The following MACO1 variants were observed in gnomAD, a reference collection of about 807,000 sequenced individuals.
The protein encoded by MACO1 is macoilin.
In MACO1, 14 loss-of-function variants were observed where a neutral mutation model predicts 78.7. That is an observed-to-expected ratio of 0.18 (90% CI 0.12 to 0.28). MACO1 has a LOEUF of 0.28. Ranked by LOEUF, MACO1 falls within the 10% of genes least tolerant of loss-of-function variation. MACO1 has a pLI of 1.00. For synonymous variants in MACO1, 288 were observed against 291.6 expected (o/e 0.99, Z 0.12); for missense variants, 501 against 799.0 (o/e 0.63, Z 4.50).
intron 1 of MACO1, among the ~76,000 whole-genome samples, chr1:25,442,693 G>A (rs1431944472): frequency 7.2e-6 from 1 of 139,358 alleles, no homozygotes; most frequent in African/African-American, 2.8e-5. Context: ...GGTTGTAAAT[G>A]GCAAAGGTAG....
intron 2 of MACO1, 141 bp downstream of exon 2, chr1:25,447,044 C>T: frequency 9.8e-7 from 1 of 1,015,290 alleles, no homozygotes; most frequent in African/African-American, 1.6e-5. Flanking sequence ...ACTATTTTGT[C>T]TAAACCCATT....
intron 6 of MACO1, among the ~76,000 whole-genome samples, chr1:25,473,661 T>C (rs543807204): frequency 1.3e-5 from 2 of 152,230 alleles, no homozygotes; most frequent in Non-Finnish European, 2.9e-5. Context: ...ATTTAGTTTT[T>C]CATCTAAGGG....
At chr1:25,446,924 T>C in intron 2 of MACO1, 21 bp downstream of exon 2, 4 of 1,605,994 alleles carry the variant, frequency 2.5e-6, no homozygotes, top group Non-Finnish European at 3.4e-6. Context: ...TAATACATGT[T>C]TTCCATGTGT....
chr1:25,434,248 A>C (rs2042900417), intron 1 of MACO1, among the ~76,000 whole-genome samples: 1 of 152,230 alleles, frequency 6.6e-6, no homozygotes, highest in Non-Finnish European at 1.5e-5. Flanking sequence ...GGAAATAGGA[A>C]TAGTGATCTT....
intron 1 of MACO1, among the ~76,000 whole-genome samples, chr1:25,435,893 G>A (rs1324537776): frequency 6.6e-6 from 1 of 152,172 alleles, no homozygotes; most frequent in Non-Finnish European, 1.5e-5. Flanking sequence ...GGATGAAAAA[G>A]CACTTTCCTC....
intron 6 of MACO1, among the ~76,000 whole-genome samples, chr1:25,477,802 CT>C (rs1458577926): frequency 6.6e-6 from 1 of 152,192 alleles, no homozygotes; most frequent in African/African-American, 2.4e-5. Flanking sequence ...CCACTGAAGA[CT>C]TTTAAACTTT....
intron 6 of MACO1, 81 bp downstream of exon 6, chr1:25,458,973 G>A (rs1187486261): frequency 6.7e-7 from 1 of 1,490,684 alleles, no homozygotes; most frequent in Non-Finnish European, 9.0e-7. Flanking sequence ...TGGGCCTGTA[G>A]GGATTGTTTG....
rs764414909 is a variant in MACO1 at position 25,498,254 on chromosome 1, G to A, written c.1793-10G>A. 1.2e-6 allele frequency: 2 copies of A among 1,614,068 alleles called. No homozygotes were observed. The highest frequency in any genetic ancestry group is 1.7e-6 in the Non-Finnish European group (2 of 1,179,964). On this transcript the variant is annotated splice_polypyrimidine_tract_variant and intron_variant, in intron 10 of 10. Coordinates refer to ENST00000374343, the MANE Select transcript of MACO1 (RefSeq NM_018202.6). The stretch of plus-strand genomic sequence containing the variant: ...CCCTTTTCACTAATGGTGGGTCTTT[G>A]ATCTTACAGGACAAATCCTTCAGAA...
Position 25,498,651 on chromosome 1 carries a change from G to T in MACO1, c.*185G>T. On this transcript the variant is annotated 3_prime_UTR_variant, in exon 11 of 11. Coordinates refer to ENST00000374343, the MANE Select transcript of MACO1 (RefSeq NM_018202.6). Reference sequence around the variant, plus strand: ...TTAGAACTGCCCATCAGTTTTTCTTGTAAATTTTTAGAAGACCTCACAGAA... The same window carrying T: ...TTAGAACTGCCCATCAGTTTTTCTTTTAAATTTTTAGAAGACCTCACAGAA... The T allele has an allele frequency of 1.9e-6, 1 of 530,954 alleles. No individual in the cohort carries two copies. 32.9% of individuals were successfully genotyped at this position (530,954 alleles called of 1,614,324 possible). A position where few individuals can be genotyped will look rare whatever the true frequency, so the allele number is the denominator to read the frequency against.
intron 6 of MACO1, among the ~76,000 whole-genome samples, chr1:25,461,783 A>G (rs991195828): frequency 1.3e-5 from 2 of 152,248 alleles, no homozygotes; most frequent in African/African-American, 4.8e-5. Context: ...TCTAATATAC[A>G]TAGAAAAATG....
rs748974790 is a variant in MACO1, at chr1:25,431,083, G to A, written c.-16G>A. The stretch of plus-strand genomic sequence containing the variant: ...ACGGCGGCGGCGGCGCGGGCACCCG[G>A]CCCCCCAGCGGGAGGATGAAGCGGC... On this transcript the variant is annotated 5_prime_UTR_variant, in exon 1 of 11. Transcript: ENST00000374343. The A allele has an allele frequency of 6.3e-7, 1 of 1,574,818 alleles. No homozygotes were observed. The highest frequency in any genetic ancestry group is 1.4e-5 in the African/African-American group (1 of 72,062).
intron 1 of MACO1, 113 bp downstream of exon 1, chr1:25,431,291 C>T (rs2042863926): frequency 2.6e-6 from 2 of 765,818 alleles, no homozygotes; most frequent in African/African-American, 3.8e-5. Flanking sequence ...GCGCCGGGGG[C>T]TCTCCTAAGG....
At chr1:25,489,540 GGATTTAACTTGCT>G (rs993885411) in intron 9 of MACO1, among the ~76,000 whole-genome samples, 3 of 152,114 alleles carry the variant, frequency 2.0e-5, no homozygotes, top group African/African-American at 7.2e-5. Context: ...TTTTATACCA[GGATTTAACTTGCT>G]GTAGATTCAT....
chr1:25,452,544 AT>A (rs1400733684), intron 3 of MACO1, among the ~76,000 whole-genome samples: 2 of 152,022 alleles, frequency 1.3e-5, no homozygotes, highest in Non-Finnish European at 2.9e-5. Flanking sequence ...CTTAAGGATT[AT>A]TTTTTTTATG....
intron 6 of MACO1, among the ~76,000 whole-genome samples, chr1:25,467,774 A>G (rs934365178): frequency 1.4e-5 from 2 of 147,148 alleles, no homozygotes; most frequent in South Asian, 4.3e-4. Context: ...TCTAAGAGCT[A>G]TCTAGACCAG....
intron 1 of MACO1, among the ~76,000 whole-genome samples, chr1:25,441,245 C>T (rs1325347434): frequency 1.3e-5 from 2 of 151,926 alleles, no homozygotes; most frequent in Non-Finnish European, 2.9e-5. Context: ...GACTGGAGCT[C>T]AGTGGTATGA....
chr1:25,481,934 G>A (rs2043382681), intron 6 of MACO1, among the ~76,000 whole-genome samples: 1 of 152,184 alleles, frequency 6.6e-6, no homozygotes, highest in Admixed American at 6.5e-5. Flanking sequence ...TTATGATTTG[G>A]GGTTTTGGGG....
Position 25,448,943 on chromosome 1 carries a change from T to G in MACO1, c.349+9T>G. 7.0e-7 allele frequency: 1 copy of G among 1,429,142 alleles called. No individual in the cohort carries two copies. The highest frequency in any genetic ancestry group is 2.4e-5 in the East Asian group (1 of 42,390). The allele number at this position is 1,429,142 out of a possible 1,614,324, so 88.5% of individuals were successfully genotyped here. A position where few individuals can be genotyped will look rare whatever the true frequency, so the allele number is the denominator to read the frequency against. Reference sequence around the variant, plus strand: ...GTACGTATGGCACACAGGTAAGTCTTAATGATTTCTTAGATGGATAGAAAT... The same window carrying G: ...GTACGTATGGCACACAGGTAAGTCTGAATGATTTCTTAGATGGATAGAAAT... On this transcript the variant is annotated intron_variant, in intron 3 of 10. Transcript: ENST00000374343.
At chr1:25,491,739 A>C (rs2043488065) in intron 10 of MACO1, among the ~76,000 whole-genome samples, 155 bp downstream of exon 10, 1 of 152,230 alleles carries the variant, frequency 6.6e-6, no homozygotes. Context: ...AGGAACCATC[A>C]CATTAATTCA....
Sources: allele counts gnomAD v4.1 joint callset (sites outside exome capture counted in the v4.1 genomes callset), GRCh38; gene constraint gnomAD v4.1.1; transcripts MANE v1.5; gene names NCBI Gene and HGNC (gene_info 2026-07-23, HGNC 2026-07-21).